Variants in ELF2 observed in about 807,000 individuals in gnomAD.
ELF2 encodes the protein ETS-related transcription factor Elf-2.
A neutral mutation model predicts 54.8 loss-of-function variants in ELF2; 11 were observed. That is an observed-to-expected ratio of 0.20 (90% confidence interval 0.13 to 0.33). ELF2 has a LOEUF of 0.33. Among genes scored for constraint, ELF2 ranks in the 10% least tolerant of loss-of-function variants. ELF2 has a pLI of 1.00. For synonymous variants in ELF2, 203 were observed against 245.1 expected, an observed-to-expected ratio of 0.83 and a Z score of 1.61; for missense variants, 513 against 703.0, an observed-to-expected ratio of 0.73 and a Z score of 3.06.
At chr4:139,139,572 TGA>T in intron 1 of ELF2, 75 bp from the exon 2 acceptor site, 1 of 761,434 alleles carries the variant, frequency 1.3e-6, no homozygotes, top group Non-Finnish European at 1.7e-6. Context: ...CAGATGTGAT[TGA>T]GATAGTAAAT....
chr4:139,094,665 CA>C (rs1174885259), intron 4 of ELF2, among the ~76,000 whole-genome samples: 3 of 152,000 alleles, frequency 2.0e-5, no homozygotes, highest in Non-Finnish European at 4.4e-5. Flanking sequence ...ACAACCTCAA[CA>C]AACTAAGAAA....
At chr4:139,097,873 A>G (rs965319025) in intron 4 of ELF2, among the ~76,000 whole-genome samples, 1 of 152,152 alleles carries the variant, frequency 6.6e-6, no homozygotes, top group East Asian at 1.9e-4. Flanking sequence ...GAGTGCCACC[A>G]TGCCCAGCTA....
chr4:139,144,237 G>A (rs1012134632), intron 1 of ELF2, among the ~76,000 whole-genome samples: 5 of 152,012 alleles, frequency 3.3e-5, no homozygotes, highest in Admixed American at 3.3e-4. Context: ...CTAGAAATCC[G>A]GCCCACAGAG....
At chr4:139,147,867 ACCTCCG>A (rs1181882481) in intron 1 of ELF2, among the ~76,000 whole-genome samples, 2 of 145,516 alleles carry the variant, frequency 1.4e-5, no homozygotes, top group Non-Finnish European at 3.0e-5. Context: ...GCTCACCGCA[ACCTCCG>A]CCTCCCAGGT....
chr4:139,089,903 CAACA>C (rs1472441499), intron 4 of ELF2, among the ~76,000 whole-genome samples: 1 of 151,988 alleles, frequency 6.6e-6, no homozygotes, highest in Admixed American at 6.6e-5. Flanking sequence ...CATCATATAC[CAACA>C]AACAGTTTCT....
At chr4:139,083,142 T>G (rs1388142196) in intron 4 of ELF2, among the ~76,000 whole-genome samples, 1 of 151,570 alleles carries the variant, frequency 6.6e-6, no homozygotes, top group Non-Finnish European at 1.5e-5. Context: ...TCCCGTCCGT[T>G]CTGTCCTTTC....
chr4:139,116,655 T>G (rs1220429558), intron 4 of ELF2: 2 of 985,174 alleles, frequency 2.0e-6, no homozygotes, highest in African/African-American at 1.7e-5. Flanking sequence ...CTACCAGCAT[T>G]GTCTTCCTTC....
intron 4 of ELF2, among the ~76,000 whole-genome samples, chr4:139,104,114 C>T (rs1366844628): frequency 6.6e-6 from 1 of 152,090 alleles, no homozygotes; most frequent in African/African-American, 2.4e-5. Context: ...GGACTTCTTT[C>T]ATTTAAAAAC....
At position 139,091,542 on chromosome 4, in the gene ELF2, G is replaced by A. The variant is rs148962624; in HGVS notation, c.239-17975C>T. Reference sequence around the variant, plus strand: ...CTCTGTTGCCCAGGCTGAGTGCAGCGCTGCTATCACAACTCAGTGCAGCCT... The same window carrying A: ...CTCTGTTGCCCAGGCTGAGTGCAGCACTGCTATCACAACTCAGTGCAGCCT... On this transcript the variant is annotated intron_variant, in intron 4 of 9. Transcript: ENST00000686138. 1.1e-3 allele frequency among the ~76,000 whole-genome samples: 165 copies of A among 152,178 alleles called. 1 individual carries two copies. The highest frequency in any genetic ancestry group is 3.8e-3 in the African/African-American group (157 of 41,512).
At chr4:139,111,037 T>C (rs925015135) in intron 4 of ELF2, among the ~76,000 whole-genome samples, 3 of 152,318 alleles carry the variant, frequency 2.0e-5, no homozygotes, top group Non-Finnish European at 2.9e-5. Context: ...TTTAGAATAT[T>C]CTAAATATTG....
chr4:139,064,245 T>C (rs1377961601), intron 7 of ELF2, among the ~76,000 whole-genome samples: 1 of 152,216 alleles, frequency 6.6e-6, no homozygotes, highest in Non-Finnish European at 1.5e-5. Context: ...GAGGCGGATG[T>C]TGCAGTGAGC....
intron 4 of ELF2, chr4:139,102,030 G>A (rs1003620216): frequency 6.6e-6 from 1 of 150,952 alleles, no homozygotes; most frequent in Non-Finnish European, 1.5e-5. Flanking sequence ...GAAAGTAAAT[G>A]TCTCAAAAAG....
intron 4 of ELF2, among the ~76,000 whole-genome samples, chr4:139,081,901 T>C (rs1027321369): frequency 1.7e-4 from 24 of 137,860 alleles, no homozygotes; most frequent in Non-Finnish European, 2.6e-4. Flanking sequence ...GTAAAACATA[T>C]TCTTTACAGA....
chr4:139,108,795 C>T (rs1245783984), intron 4 of ELF2, among the ~76,000 whole-genome samples: 1 of 152,010 alleles, frequency 6.6e-6, no homozygotes. Context: ...ATAAAAGAAT[C>T]GAAGAACTGG....
At chr4:139,148,922 G>A (rs72931846) in intron 1 of ELF2, among the ~76,000 whole-genome samples, 5,338 of 152,222 alleles carry the variant, frequency 0.035, 211 homozygotes, top group African/African-American at 0.093. Context: ...GCAGCAATAG[G>A]TAACTAATAC....
chr4:139,071,397 C>T (rs1298190246), intron 6 of ELF2, among the ~76,000 whole-genome samples: 1 of 151,852 alleles, frequency 6.6e-6, no homozygotes, highest in Admixed American at 6.6e-5. Context: ...CCTGCGCTCA[C>T]GAAATCCTCT....
intron 4 of ELF2, chr4:139,084,243 C>A (rs1368580136): frequency 6.2e-7 from 1 of 1,609,776 alleles, no homozygotes; most frequent in Non-Finnish European, 8.5e-7. Context: ...CCGTGAGCAG[C>A]GGCGGCAGGG....
At chr4:139,164,207 C>T (rs1345966507) in intron 1 of ELF2, among the ~76,000 whole-genome samples, 5 of 103,904 alleles carry the variant, frequency 4.8e-5, no homozygotes, top group East Asian at 2.9e-4. Context: ...AAAGAGAAAG[C>T]GGGGAGGAGG....
intron 6 of ELF2, among the ~76,000 whole-genome samples, chr4:139,068,108 C>A (rs1483829683): frequency 6.6e-6 from 1 of 152,022 alleles, no homozygotes; most frequent in Admixed American, 6.6e-5. Context: ...GCAACCTCTG[C>A]CTCCCGGGTT....
Sources: allele counts gnomAD v4.1 joint callset (sites outside exome capture counted in the v4.1 genomes callset), GRCh38; gene constraint gnomAD v4.1.1; transcripts MANE v1.5; gene names NCBI Gene and HGNC (gene_info 2026-07-23, HGNC 2026-07-21).